RBFOX3: variants seen among roughly 807,000 people sequenced by gnomAD.
The protein encoded by RBFOX3 is RNA binding fox-1 homolog 3.
In RBFOX3, 17 loss-of-function variants were observed where a neutral mutation model predicts 48.7. The observed-to-expected ratio is 0.35, with a 90% confidence interval of 0.24 to 0.52. The LOEUF is 0.52. Among genes scored for constraint, RBFOX3 ranks in the 20% least tolerant of loss-of-function variants. RBFOX3 has a pLI of 0.94. For synonymous variants in RBFOX3, 212 were observed against 209.5 expected, an observed-to-expected ratio of 1.01 and a Z score of -0.10; for missense variants, 382 against 497.5, an observed-to-expected ratio of 0.77 and a Z score of 2.21.
At chr17:79,612,589 G>A (rs1426343232), upstream of RBFOX3, among the ~76,000 whole-genome samples, 1 of 152,196 alleles carries the variant, frequency 6.6e-6, no homozygotes, top group Non-Finnish European at 1.5e-5. Context: ...ATCTGTCTTG[G>A]CCGGTGGGAA....
At chr17:79,112,845 C>T (rs1309569948) in intron 5 of RBFOX3, among the ~76,000 whole-genome samples, 1 of 132,202 alleles carries the variant, frequency 7.6e-6, no homozygotes, top group African/African-American at 2.9e-5. Context: ...CATCTGGGTC[C>T]AGGGAGCGTC....
At chr17:79,555,337 ATGG>A (rs2091558303) in intron 1 of RBFOX3, among the ~76,000 whole-genome samples, 6 of 26 alleles carry the variant, frequency 0.23, 2 homozygotes, top group African/African-American at 0.43. Flanking sequence ...GGTGGTGATG[ATGG>A]TAGTTGTGGT....
chr17:79,094,349 A>C, intron 14 of RBFOX3, 102 bp downstream of exon 14: 1 of 797,068 alleles, frequency 1.3e-6, no homozygotes, highest in Non-Finnish European at 1.9e-6. Flanking sequence ...CTCCGGGACC[A>C]AGGCATTGGT....
intron 1 of RBFOX3, among the ~76,000 whole-genome samples, chr17:79,531,044 T>TGTGCCCCAGTCCAGGGGCTCC (rs1218867253): frequency 6.6e-6 from 1 of 152,246 alleles, no homozygotes; most frequent in East Asian, 1.9e-4. Context: ...GCTGGGGCTT[T>TGTGCCCCAGTCCAGGGGCTCC]GTGCCCCAGT....
chr17:79,320,892 A>C (rs9900634), intron 2 of RBFOX3, among the ~76,000 whole-genome samples: 140,802 of 152,224 alleles, frequency 0.92, 65,318 homozygotes, highest in East Asian at 1. Flanking sequence ...AAAACAGATT[A>C]TTCAGCCTCC....
At chr17:79,427,586 C>T (rs1374804881) in intron 2 of RBFOX3, among the ~76,000 whole-genome samples, 2 of 152,218 alleles carry the variant, frequency 1.3e-5, no homozygotes, top group African/African-American at 4.8e-5. Context: ...TGGGCAGAGC[C>T]CACTGCACTT....
chr17:79,414,946 C>A (rs1035952246), intron 2 of RBFOX3, among the ~76,000 whole-genome samples: 4 of 152,202 alleles, frequency 2.6e-5, no homozygotes, highest in Admixed American at 1.3e-4. Flanking sequence ...AGCTCCCGTT[C>A]CCAGAGGGCT....
chr17:79,397,257 C>T (rs977752688), intron 2 of RBFOX3, among the ~76,000 whole-genome samples: 7 of 151,936 alleles, frequency 4.6e-5, no homozygotes, highest in African/African-American at 1.7e-4. Flanking sequence ...CCGAGGCAGG[C>T]GGATCATGAG....
intron 1 of RBFOX3, among the ~76,000 whole-genome samples, chr17:79,533,303 A>G (rs1367957588): frequency 6.6e-5 from 10 of 152,232 alleles, no homozygotes; most frequent in Non-Finnish European, 1.5e-4. Flanking sequence ...GAGTCCAGGC[A>G]TCGAAAATCC....
intron 1 of RBFOX3, among the ~76,000 whole-genome samples, chr17:79,570,962 G>A (rs2092656431): frequency 6.6e-6 from 1 of 152,202 alleles, no homozygotes; most frequent in Non-Finnish European, 1.5e-5. Context: ...GGATGAGGGG[G>A]GGCCCCCGGG....
intron 1 of RBFOX3, among the ~76,000 whole-genome samples, chr17:79,499,980 G>A (rs1329863075): frequency 6.6e-6 from 1 of 152,340 alleles, no homozygotes; most frequent in South Asian, 2.1e-4. Flanking sequence ...TGGGCCTGCC[G>A]TGGGACTTGT....
chr17:79,089,796 T>G lies in RBFOX3; in HGVS notation c.*1087A>C, dbSNP rs1008166495. On this transcript the variant is annotated 3_prime_UTR_variant, in exon 15 of 15. Coordinates refer to ENST00000693108, the MANE Select transcript of RBFOX3 (RefSeq NM_001350451.2). ...TCCTCCCACCGGGTAAGCCTGGCTG[T>G]CCTTGGTGCTGCTCCCGCCACCTGG... 1 of 152,570 alleles carries G rather than the reference T, an allele frequency of 6.6e-6. No homozygotes were observed. Among genetic ancestry groups the G allele is most frequent in the African/African-American group, 2.4e-5 (1 of 41,434 alleles). 9.5% of individuals were successfully genotyped at this position (152,570 alleles called of 1,614,324 possible).
chr17:79,103,992 G>T lies in RBFOX3; in HGVS notation c.414+81C>A. 7.8e-7 allele frequency: 1 copy of T among 1,284,722 alleles called. No homozygotes were observed. The highest frequency in any genetic ancestry group is 1.1e-6 in the Non-Finnish European group (1 of 906,136). 79.6% of individuals were successfully genotyped at this position (1,284,722 alleles called of 1,614,324 possible). A position where few individuals can be genotyped will look rare whatever the true frequency, so the allele number is the denominator to read the frequency against. ...GGTCCTCGGGCGCGAAGCTCTCCAG[G>T]AAGGAAACGCACATTTCACACGTTA... On this transcript the variant is annotated intron_variant, in intron 7 of 14. Coordinates refer to ENST00000693108, the MANE Select transcript of RBFOX3 (RefSeq NM_001350451.2). This position sits in a 1 kb window ranked among gnomAD's most constrained non-coding sequence, Gnocchi z 6.1.
At chr17:79,398,137 G>C (rs1454205971) in intron 2 of RBFOX3, among the ~76,000 whole-genome samples, 1 of 152,118 alleles carries the variant, frequency 6.6e-6, no homozygotes, top group African/African-American at 2.4e-5. Flanking sequence ...GCCCAATCTA[G>C]TGCTTTGCAA....
intron 1 of RBFOX3, among the ~76,000 whole-genome samples, chr17:79,520,281 G>A (rs1222517422): frequency 5.3e-5 from 8 of 152,228 alleles, no homozygotes; most frequent in Non-Finnish European, 8.8e-5. Context: ...AGACAGCAGG[G>A]GTGGGACGCA....
intron 1 of RBFOX3, among the ~76,000 whole-genome samples, chr17:79,540,764 A>C (rs1369872873): frequency 2.0e-5 from 3 of 152,206 alleles, no homozygotes; most frequent in African/African-American, 7.2e-5. Context: ...CATCTGTAAA[A>C]GTGGAGGTCG....
At chr17:79,542,780 C>T (rs1486337523) in intron 1 of RBFOX3, among the ~76,000 whole-genome samples, 1 of 152,174 alleles carries the variant, frequency 6.6e-6, no homozygotes, top group Non-Finnish European at 1.5e-5. Context: ...GGGACTCCAT[C>T]TCAAAATAAA....
chr17:79,624,852 C>T, the RBFOX3 span, among the ~76,000 whole-genome samples: 5 of 135,948 alleles, frequency 3.7e-5, no homozygotes, highest in South Asian at 2.8e-4. Flanking sequence ...GAGAACCATC[C>T]GGAGCTCCCA....
intron 2 of RBFOX3, among the ~76,000 whole-genome samples, chr17:79,374,656 C>T (rs1244941324): frequency 2.6e-5 from 4 of 152,232 alleles, no homozygotes; most frequent in African/African-American, 7.2e-5. Flanking sequence ...AGGCTCCGTT[C>T]GCATGTTTGC....
Sources: allele counts gnomAD v4.1 joint callset (sites outside exome capture counted in the v4.1 genomes callset), GRCh38; gene constraint gnomAD v4.1.1; non-coding constraint Gnocchi (gnomAD v3.1); transcripts MANE v1.5; gene names NCBI Gene and HGNC (gene_info 2026-07-23, HGNC 2026-07-21).